RAB8B: variants seen among roughly 807,000 people sequenced by gnomAD.
RAB8B encodes the protein RAB8B, member RAS oncogene family, also known as ras-related protein Rab-8B.
Under a neutral mutation model 32.0 loss-of-function variants are expected in RAB8B, and 11 were observed. The ratio of observed to expected loss-of-function variants is 0.34; its 90% CI spans 0.22 to 0.57. The LOEUF is 0.57. Among genes scored for constraint, RAB8B ranks in the 20% least tolerant of loss-of-function variants. The probability of loss-of-function intolerance (pLI) is 0.86; values close to 1 mark genes in which losing one functional copy is unlikely to be tolerated. For synonymous variants in RAB8B, 103 were observed against 89.6 expected (o/e 1.15, Z -0.85); for missense variants, 190 against 258.5 (o/e 0.73, Z 1.82).
Position 63,256,539 on chromosome 15 carries a change from G to T in RAB8B, c.359G>T (p.Gly120Val). The T allele has an allele frequency of 6.2e-7, 1 of 1,603,912 alleles. No homozygotes were observed. The change falls in exon 5 of 8, where the codon GGT (glycine) becomes GTT (valine). Residue 120 changes from glycine to valine, a missense_variant. Gly to Val is a moderately radical substitution (Grantham distance 109, BLOSUM62 -3). Coordinates refer to ENST00000321437, the MANE Select transcript of RAB8B (RefSeq NM_016530.3). Reference sequence around the variant, plus strand: ...TCCGATGTCGAAAGAATGATCCTGGGTAACAAATGTGATATGAATGACAAA... The same window carrying T: ...TCCGATGTCGAAAGAATGATCCTGGTTAACAAATGTGATATGAATGACAAA... ...ASSDVERMIL[G>V]NKCDMNDKRQ...
Position 63,234,136 on chromosome 15 carries a change from A to T in RAB8B, c.125-10620A>T, listed in dbSNP as rs150528386. Among the ~76,000 whole-genome samples the T allele has an allele frequency of 6.6e-5, 10 of 152,218 alleles. No individual in the cohort carries two copies. In the East Asian group the frequency reaches 1.9e-3, roughly 29 times the overall value. Reference sequence around the variant, plus strand: ...ACTTCCCCAGGAGACCCAAGATAGTACTCAAAGCAGGAGAGCTGTGTGTGT... The same window carrying T: ...ACTTCCCCAGGAGACCCAAGATAGTTCTCAAAGCAGGAGAGCTGTGTGTGT... On this transcript the variant is annotated intron_variant, in intron 1 of 7. Transcript: ENST00000321437.
At chr15:63,223,678 T>C (rs2141123362) in intron 1 of RAB8B, among the ~76,000 whole-genome samples, 1 of 152,340 alleles carries the variant, frequency 6.6e-6, no homozygotes, top group South Asian at 2.1e-4. Flanking sequence ...ATGACTATAC[T>C]TGAAGACACA....
At chr15:63,233,151 C>G (rs531158591) in intron 1 of RAB8B, among the ~76,000 whole-genome samples, 19 of 150,376 alleles carry the variant, frequency 1.3e-4, no homozygotes, top group Admixed American at 6.0e-4. Context: ...CCTTTAACTC[C>G]TGGCCTCAAG....
intron 4 of RAB8B, 135 bp downstream of exon 4, chr15:63,255,719 C>A: frequency 1.6e-6 from 1 of 636,060 alleles, no homozygotes; most frequent in Non-Finnish European, 2.8e-6. Flanking sequence ...CTCTGAAGAG[C>A]TCCATAAATC....
chr15:63,241,503 G>A (rs2141134333), intron 1 of RAB8B, among the ~76,000 whole-genome samples: 1 of 152,142 alleles, frequency 6.6e-6, no homozygotes, highest in Middle Eastern at 3.4e-3. Context: ...CCATTTTTCA[G>A]TGTACAGTTC....
At chr15:63,225,634 CA>C (rs1484718877) in intron 1 of RAB8B, among the ~76,000 whole-genome samples, 1 of 150,050 alleles carries the variant, frequency 6.7e-6, no homozygotes, top group Non-Finnish European at 1.5e-5. Context: ...TTGTCTTTAG[CA>C]AAGACACCAG....
chr15:63,228,580 C>G (rs1332001397), intron 1 of RAB8B, among the ~76,000 whole-genome samples: 1 of 152,158 alleles, frequency 6.6e-6, no homozygotes, highest in Non-Finnish European at 1.5e-5. Context: ...TGCTGTCTTG[C>G]AGGTGACAAG....
intron 1 of RAB8B, among the ~76,000 whole-genome samples, chr15:63,214,726 T>G (rs1027279501): frequency 2.6e-5 from 4 of 152,166 alleles, no homozygotes; most frequent in African/African-American, 9.7e-5. Context: ...AGCAGTTCAT[T>G]TCTCTTTTTT....
At chr15:63,221,130 C>G (rs771194544) in intron 1 of RAB8B, among the ~76,000 whole-genome samples, 2 of 152,000 alleles carry the variant, frequency 1.3e-5, no homozygotes, top group Non-Finnish European at 2.9e-5. Context: ...ATGTTCCAGA[C>G]AATGGGGAGA....
In RAB8B at chr15:63,191,408, G is replaced by A. The variant is rs192319805; in HGVS notation, c.124+1660G>A. ...TAGATTGAATGGTCTAAAATCTCCTGGGTGTTATGATGTCTGGGCTTAGGG... is the reference window on the plus strand; with the variant it reads ...TAGATTGAATGGTCTAAAATCTCCTAGGTGTTATGATGTCTGGGCTTAGGG... On this transcript the variant is annotated intron_variant, in intron 1 of 7. Transcript: ENST00000321437. Among the ~76,000 whole-genome samples, 140 of 152,302 alleles carry A rather than the reference G, an allele frequency of 9.2e-4. 1 individual carries two copies. Among genetic ancestry groups the A allele is most frequent in the Non-Finnish European group, 1.4e-3 (93 of 68,028 alleles).
At chr15:63,201,689 T>TA (rs911729864) in intron 1 of RAB8B, among the ~76,000 whole-genome samples, 10 of 152,314 alleles carry the variant, frequency 6.6e-5, no homozygotes, top group Admixed American at 5.9e-4. Flanking sequence ...TCACTTATGT[T>TA]ATTACTTTAT....
intron 1 of RAB8B, among the ~76,000 whole-genome samples, chr15:63,214,928 G>T (rs1050427136): frequency 6.6e-6 from 1 of 152,034 alleles, no homozygotes; most frequent in Non-Finnish European, 1.5e-5. Flanking sequence ...AATTGAGTAG[G>T]GCATCTACAG....
At position 63,264,724 on chromosome 15, in the gene RAB8B, G is replaced by A. The variant is rs913190861; in HGVS notation, c.*1105G>A. On this transcript the variant is annotated 3_prime_UTR_variant, in exon 8 of 8. Transcript: ENST00000321437. ...TGGTGAAAATAATGAGTTTTGGTTG[G>A]TTTTATTTGGCAGATGTTTTTAGAA... The A allele has an allele frequency of 6.6e-6, 1 of 152,196 alleles. No individual in the cohort carries two copies. The highest frequency in any genetic ancestry group is 2.4e-5 in the African/African-American group (1 of 41,438). The allele number at this position is 152,196 out of a possible 1,614,324, so 9.4% of individuals were successfully genotyped here.
At chr15:63,192,003 T>C (rs747129789) in intron 1 of RAB8B, among the ~76,000 whole-genome samples, 1 of 152,148 alleles carries the variant, frequency 6.6e-6, no homozygotes, top group Non-Finnish European at 1.5e-5. Context: ...CTGAAACAGA[T>C]TAGAATAGGA....
At chr15:63,260,416 A>G (rs1391620717) in intron 6 of RAB8B, among the ~76,000 whole-genome samples, 1 of 152,232 alleles carries the variant, frequency 6.6e-6, no homozygotes, top group Non-Finnish European at 1.5e-5. Context: ...CCTTTAGCGT[A>G]CACATTTGAG....
intron 1 of RAB8B, among the ~76,000 whole-genome samples, chr15:63,241,607 A>G (rs1051587584): frequency 1.3e-5 from 2 of 152,214 alleles, no homozygotes; most frequent in African/African-American, 2.4e-5. Flanking sequence ...TTAAACAACT[A>G]TTCCTTTCCC....
chr15:63,195,353 G>A (rs943102355), intron 1 of RAB8B, among the ~76,000 whole-genome samples: 5 of 152,154 alleles, frequency 3.3e-5, no homozygotes, highest in African/African-American at 1.2e-4. Context: ...ATAAAGGATG[G>A]GCATGGGGAA....
intron 3 of RAB8B, among the ~76,000 whole-genome samples, chr15:63,254,112 G>T (rs192010701): frequency 1.3e-5 from 2 of 152,070 alleles, no homozygotes; most frequent in Non-Finnish European, 2.9e-5. Flanking sequence ...TCAATCCAGC[G>T]GTCTCTGGTT....
chr15:63,201,523 A>C (rs1414823587), intron 1 of RAB8B, among the ~76,000 whole-genome samples: 1 of 152,178 alleles, frequency 6.6e-6, no homozygotes, highest in Non-Finnish European at 1.5e-5. Context: ...ATTAGAGGGC[A>C]GAAGAGCTTC....
Sources: gnomAD v4.1 joint callset for allele counts (sites outside exome capture counted in the v4.1 genomes callset) on GRCh38, gnomAD v4.1.1 for gene constraint, MANE v1.5 for transcripts, NCBI Gene and HGNC (gene_info 2026-07-23, HGNC 2026-07-21) for gene names.